Variants in TTC19 observed in about 807,000 individuals in gnomAD.
TTC19 encodes tetratricopeptide repeat domain 19.
TTC19 carries 38 observed loss-of-function variants against 49.5 expected under a neutral mutation model. The observed-to-expected ratio is 0.77, with a 90% CI of 0.59 to 1.01. TTC19 has a LOEUF of 1.01. TTC19 is among the 50% of genes least tolerant of loss of function. The probability of loss-of-function intolerance (pLI) is 0.00; values close to 1 mark genes in which losing one functional copy is unlikely to be tolerated. For missense variants in TTC19, 475 were observed against 477.7 expected (o/e 0.99, Z 0.05); for synonymous variants, 204 against 185.2 (o/e 1.10, Z -0.83).
At chr17:16,014,060 T>C (rs1322230158) in intron 7 of TTC19, among the ~76,000 whole-genome samples, 1 of 152,186 alleles carries the variant, frequency 6.6e-6, no homozygotes, top group Non-Finnish European at 1.5e-5. Flanking sequence ...ATTGGCTTTT[T>C]CCCCATGCTC....
At chr17:16,005,773 A>C (rs1429861706) in intron 6 of TTC19, among the ~76,000 whole-genome samples, 1 of 152,226 alleles carries the variant, frequency 6.6e-6, no homozygotes, top group Admixed American at 6.5e-5. Flanking sequence ...GTATGAGGTC[A>C]ACAGTTGGAA....
At chr17:16,039,269 T>C (rs1446482506) in intron 2 of TTC19, 1 of 645,248 alleles carries the variant, frequency 1.5e-6, no homozygotes, top group East Asian at 2.8e-5. Context: ...TTATAATGTC[T>C]GGGTAGGTTT....
intron 7 of TTC19, chr17:16,024,663 CTCTG>C (rs957177832): frequency 3.3e-6 from 1 of 307,392 alleles, no homozygotes; most frequent in Non-Finnish European, 6.3e-6. Flanking sequence ...TCTGAGTGTT[CTCTG>C]TCTTCTTCCT....
At chr17:16,020,040 G>A (rs1041313035) in intron 7 of TTC19, among the ~76,000 whole-genome samples, 5 of 151,564 alleles carry the variant, frequency 3.3e-5, no homozygotes, top group Admixed American at 6.6e-5. Context: ...TGAGGCATGC[G>A]AATCGCTTAA....
exon 3 of TTC19, chr17:16,044,652 A>G (rs2058357416): frequency 1.5e-6 from 1 of 648,386 alleles, no homozygotes; most frequent in South Asian, 1.4e-5. Context: ...GCCTGCATCT[A>G]CTCAGCCCTC....
At chr17:16,034,558 T>C (rs1230953729) in intron 2 of TTC19, among the ~76,000 whole-genome samples, 2 of 152,028 alleles carry the variant, frequency 1.3e-5, no homozygotes, top group Non-Finnish European at 2.9e-5. Context: ...CAGTGAGCCA[T>C]GATCATGCCA....
At chr17:16,034,752 G>A (rs1368068418) in intron 2 of TTC19, 7 of 1,594,672 alleles carry the variant, frequency 4.4e-6, no homozygotes, top group Non-Finnish European at 6.0e-6. Flanking sequence ...CTAAGTTAAA[G>A]CAGAATCCTT....
At chr17:16,017,050 G>A (rs1971236890) in intron 7 of TTC19, among the ~76,000 whole-genome samples, 1 of 152,194 alleles carries the variant, frequency 6.6e-6, no homozygotes, top group African/African-American at 2.4e-5. Context: ...TGTTTAGACA[G>A]TCTCATAGAT....
chr17:16,029,370 G>A lies in TTC19; in HGVS notation c.*1848G>A. ...ATTGGTCTAAATTCAAAAGTGAATT[G>A]GTTAAAATCGTGTCATTAAAATTTT... On this transcript the variant is annotated 3_prime_UTR_variant, in exon 10 of 10. Transcript: ENST00000261647. 2.9e-6 allele frequency: 1 copy of A among 350,822 alleles called. No homozygotes were observed. Among genetic ancestry groups the A allele is most frequent in the Non-Finnish European group, 5.6e-6 (1 of 178,144 alleles). 21.7% of individuals were successfully genotyped at this position (350,822 alleles called of 1,614,324 possible).
At chr17:16,007,440 GTTTTTTGTTTT>G (rs1158194093) in intron 7 of TTC19, among the ~76,000 whole-genome samples, 2 of 66,012 alleles carry the variant, frequency 3.0e-5, no homozygotes. Flanking sequence ...TCAGCATACA[GTTTTTTGTTTT>G]TTGTTTTTTG....
chr17:16,033,100 C>G (rs1346684853), downstream of TTC19, among the ~76,000 whole-genome samples: 1 of 152,170 alleles, frequency 6.6e-6, no homozygotes, highest in Non-Finnish European at 1.5e-5. Context: ...AATCCCAGCA[C>G]TTTGGGAGGC....
In TTC19 at chr17:16,025,001, C is replaced by T; in HGVS notation, c.677-16C>T. 6.2e-7 allele frequency: 1 copy of T among 1,613,672 alleles called. No homozygotes were observed. The highest frequency in any genetic ancestry group is 1.1e-5 in the South Asian group (1 of 91,054). ...AACCATTTGGGTAGATTTGCTGATTCCTCTTTTCTCCTTAGTGGAAGAGAA... is the reference window on the plus strand; with the variant it reads ...AACCATTTGGGTAGATTTGCTGATTTCTCTTTTCTCCTTAGTGGAAGAGAA... On this transcript the variant is annotated splice_polypyrimidine_tract_variant and intron_variant, in intron 7 of 9. Transcript: ENST00000261647.
At chr17:16,034,630 T>G in intron 2 of TTC19, 1 of 806,436 alleles carries the variant, frequency 1.2e-6, no homozygotes, top group East Asian at 2.5e-5. Context: ...TTCGGGAAAG[T>G]GGAACATATT....
At chr17:16,024,992 T>G in intron 7 of TTC19, 25 bp from the exon 8 acceptor site, 1 of 1,613,378 alleles carries the variant, frequency 6.2e-7, no homozygotes, top group South Asian at 1.1e-5. Context: ...TTGGGTAGAT[T>G]TGCTGATTCC....
chr17:16,029,392 T>A lies in TTC19; in HGVS notation c.*1870T>A, dbSNP rs947945383. On this transcript the variant is annotated 3_prime_UTR_variant, in exon 10 of 10. Coordinates refer to ENST00000261647, the MANE Select transcript of TTC19 (RefSeq NM_017775.4). ...ATTGGTTAAAATCGTGTCATTAAAA[T>A]TTTTTAACTGTCCAATGGTCACTGG... is the stretch of plus-strand genomic sequence containing the variant. 9.0e-6 allele frequency: 3 copies of A among 333,304 alleles called. No individual in the cohort carries two copies. Among genetic ancestry groups the A allele is most frequent in the South Asian group, 2.5e-5 (1 of 40,324 alleles). The allele number at this position is 333,304 out of a possible 1,614,324, so 20.6% of individuals were successfully genotyped here.
chr17:16,012,447 C>G (rs1397630714), intron 7 of TTC19, among the ~76,000 whole-genome samples: 1 of 151,970 alleles, frequency 6.6e-6, no homozygotes, highest in Non-Finnish European at 1.5e-5. Flanking sequence ...CACCTGTGGT[C>G]CAGCCTGGGT....
chr17:16,043,060 C>G (rs1597732241), intron 2 of TTC19, among the ~76,000 whole-genome samples: 1 of 152,072 alleles, frequency 6.6e-6, no homozygotes, highest in South Asian at 2.1e-4. Context: ...TCTAAGGAGA[C>G]AGAAGTGGCC....
chr17:16,000,994 A>G (rs1464058123), intron 2 of TTC19, among the ~76,000 whole-genome samples: 1 of 152,168 alleles, frequency 6.6e-6, no homozygotes, highest in East Asian at 1.9e-4. Flanking sequence ...GTTGCCAACA[A>G]ATGCAAAATA....
At chr17:16,023,845 CAT>C (rs2151679607) in intron 7 of TTC19, 1 of 152,298 alleles carries the variant, frequency 6.6e-6, no homozygotes, top group East Asian at 1.9e-4. Context: ...ATTTTAGTAA[CAT>C]AGTCTTCCTT....
Sources: allele counts gnomAD v4.1 joint callset (sites outside exome capture counted in the v4.1 genomes callset), GRCh38; gene constraint gnomAD v4.1.1; transcripts MANE v1.5; gene names NCBI Gene and HGNC (gene_info 2026-07-23, HGNC 2026-07-21).